The following GAK variants were observed in gnomAD, a reference collection of about 807,000 sequenced individuals.
GAK encodes cyclin-G-associated kinase.
In GAK, 79 loss-of-function variants were observed where a neutral mutation model predicts 143.9. The ratio of observed to expected loss-of-function variants is 0.55; its 90% CI spans 0.46 to 0.66. GAK has a LOEUF of 0.66. Among genes scored for constraint, GAK ranks in the 30% least tolerant of loss-of-function variants. The pLI, the probability that GAK is intolerant of heterozygous loss-of-function variation, is 0.00. For synonymous variants in GAK, 881 were observed against 765.5 expected, an observed-to-expected ratio of 1.15 and a Z score of -2.49; for missense variants, 1,693 against 1,779.7, an observed-to-expected ratio of 0.95 and a Z score of 0.88.
intron 4 of GAK, 121 bp from the exon 5 acceptor site, chr4:904,900 C>A: frequency 2.0e-6 from 2 of 982,592 alleles, no homozygotes; most frequent in Non-Finnish European, 3.0e-6. Flanking sequence ...CTTTCCACAC[C>A]TAAGTAACAA....
rs180812987 is a variant in GAK at position 897,710 on chromosome 4, G to A, written c.651+323C>T. 7.9e-5 allele frequency among the ~76,000 whole-genome samples: 12 copies of A among 152,332 alleles called. No homozygotes were observed. In the East Asian group the frequency reaches 2.3e-3, roughly 29 times the overall value. On this transcript the variant is annotated intron_variant, in intron 6 of 27. Coordinates refer to ENST00000314167, the MANE Select transcript of GAK (RefSeq NM_005255.4). ...GCCTGTAATCCCAGCACTTTGGGAG[G>A]CTGACGCGGGTGGATCACAAATGAC...
chr4:867,077 G>T lies in GAK; in HGVS notation c.2751C>A (p.Pro917=), dbSNP rs1560306387. 3.9e-6 allele frequency: 6 copies of T among 1,541,426 alleles called. No individual in the cohort carries two copies. Among genetic ancestry groups the T allele is most frequent in the Non-Finnish European group, 5.2e-6 (6 of 1,143,566 alleles). Residue 917 remains proline, a synonymous_variant, in exon 21 of 28, where the codon CCC becomes CCA. Transcript: ENST00000314167. ...NTDLLSCLLG[P]PEAASQGPPE... is the part of the protein sequence containing the mutation. ...GGGGCCCCTGGGAGGCGGCCTCAGG[G>T]GGCCCAAGGAGGCAGCTGAGCAGGT...
rs1274962670 is a variant in GAK at position 884,072 on chromosome 4, T to C, written c.1220A>G (p.Asp407Gly). 6.2e-7 allele frequency: 1 copy of C among 1,613,680 alleles called. No individual in the cohort carries two copies. Among genetic ancestry groups the C allele is most frequent in the South Asian group, 1.1e-5 (1 of 91,088 alleles). ...GGATGTGATGTAAGATATGTCCAGG[T>C]CACCCTTTGCATAACTGGAATTAAA... ...IQSVANYAKGDLDISYITSRI... is the reference protein window; with the variant it reads ...IQSVANYAKGGLDISYITSRI... Residue 407 changes from aspartate (D) to glycine (G), a missense_variant, in exon 12 of 28, where the codon GAC becomes GGC. Physicochemically the swap from Asp to Gly is moderately conservative, Grantham distance 94. This residue lies in a region of GAK where 871 missense variants were observed against 991.0 expected (regional missense o/e 0.88). Coordinates refer to ENST00000314167, the MANE Select transcript of GAK (RefSeq NM_005255.4).
chr4:883,223 C>A, intron 13 of GAK, 92 bp downstream of exon 13: 1 of 1,484,958 alleles, frequency 6.7e-7, no homozygotes, highest in Non-Finnish European at 9.1e-7. Context: ...CCCATCACAG[C>A]CCCACCCTGG....
At chr4:930,102 C>T (rs1725421550) in intron 1 of GAK, among the ~76,000 whole-genome samples, 1 of 152,206 alleles carries the variant, frequency 6.6e-6, no homozygotes, top group Non-Finnish European at 1.5e-5. Flanking sequence ...TACCAGCCAT[C>T]ACCATGTTTA....
At chr4:883,166 C>T (rs1163272333) in intron 13 of GAK, 149 bp downstream of exon 13, 2 of 920,326 alleles carry the variant, frequency 2.2e-6, no homozygotes, top group African/African-American at 3.3e-5. Flanking sequence ...CCACCTCGCC[C>T]CCTCCTGTCC....
intron 13 of GAK, 103 bp from the exon 14 acceptor site, chr4:882,922 C>G (rs936804377): frequency 1.4e-6 from 2 of 1,464,220 alleles, no homozygotes; most frequent in Non-Finnish European, 1.8e-6. Flanking sequence ...CCTCCGCCAG[C>G]TGGTGTCATG....
At chr4:883,577 C>T (rs1715618813) in intron 12 of GAK, 114 bp from the exon 13 acceptor site, 2 of 1,205,156 alleles carry the variant, frequency 1.7e-6, no homozygotes, top group Non-Finnish European at 1.2e-6. Flanking sequence ...CCGGCAGCTC[C>T]ACCAGCCACT....
At chr4:859,185 C>T (rs981877276) in intron 24 of GAK, 3 of 985,432 alleles carry the variant, frequency 3.0e-6, no homozygotes, top group Non-Finnish European at 2.4e-6. Context: ...GCGCCCGGGC[C>T]GGGCCTGAGG....
intron 1 of GAK, among the ~76,000 whole-genome samples, chr4:914,463 T>C (rs369653727): frequency 9.4e-4 from 34 of 36,320 alleles, no homozygotes; most frequent in East Asian, 1.8e-3. Flanking sequence ...ACAGCCCCAG[T>C]GTGCACGGCC....
At chr4:865,371 G>GTCA in intron 22 of GAK, 127 bp from the exon 23 acceptor site, 2 of 1,186,812 alleles carry the variant, frequency 1.7e-6, no homozygotes, top group Non-Finnish European at 2.4e-6. Flanking sequence ...AGCTGAGGCT[G>GTCA]GGCTGACGGC....
Position 859,807 on chromosome 4 carries a change from G to A in GAK, c.3167-85C>T, listed in dbSNP as rs182178318. ...GGGACCTCCGATGGCGCCTCCTTAC[G>A]ACATGACAGCCTCACTCCTGCCTGA... On this transcript the variant is annotated intron_variant, in intron 23 of 27. Transcript: ENST00000314167. The A allele has an allele frequency of 1.6e-4, 151 of 941,500 alleles. No individual in the cohort carries two copies. In the East Asian group the frequency reaches 3.4e-3, roughly 21 times the overall value. The allele number at this position is 941,500 out of a possible 1,614,324, so 58.3% of individuals were successfully genotyped here. A position where few individuals can be genotyped will look rare whatever the true frequency, so the allele number is the denominator to read the frequency against.
intron 5 of GAK, among the ~76,000 whole-genome samples, chr4:900,189 C>A (rs888682820): frequency 6.6e-6 from 1 of 152,236 alleles, no homozygotes; most frequent in African/African-American, 2.4e-5. Context: ...GGACGATGCA[C>A]AGGGCAGGCG....
chr4:913,755 A>G lies in GAK; in HGVS notation c.146-87T>C, dbSNP rs1037600661. 28 of 1,176,108 alleles carry G rather than the reference A, an allele frequency of 2.4e-5. 1 individual carries two copies. Among genetic ancestry groups the G allele is most frequent in the Non-Finnish European group, 3.4e-5 (27 of 785,948 alleles). The allele number at this position is 1,176,108 out of a possible 1,614,324, so 72.9% of individuals were successfully genotyped here. ...AAAATACCTTCACTAAGTAAAATAC[A>G]AATTGACTTGTGGCGTGGCCAGCAG... On this transcript the variant is annotated intron_variant, in intron 1 of 27. Coordinates refer to ENST00000314167, the MANE Select transcript of GAK (RefSeq NM_005255.4).
At chr4:894,034 C>A in intron 7 of GAK, 25 bp from the exon 8 acceptor site, 1 of 1,567,770 alleles carries the variant, frequency 6.4e-7, no homozygotes, top group Non-Finnish European at 8.6e-7. Context: ...GGGGTGATGC[C>A]TAGGCCCACG....
In GAK at chr4:896,577, A is replaced by G. The variant is rs762753122; in HGVS notation, c.652-28T>C. The G allele has an allele frequency of 1.9e-5, 30 of 1,538,564 alleles. No individual in the cohort carries two copies. In the Middle Eastern group the frequency reaches 6.7e-4, roughly 34 times the overall value. ...GAAAAAATACAAACATTTCAAAGGA[A>G]AAGTTGCATCCCACAAACAGTATTT... On this transcript the variant is annotated intron_variant, in intron 6 of 27. Coordinates refer to ENST00000314167, the MANE Select transcript of GAK (RefSeq NM_005255.4).
rs1726034723 is a variant in GAK at position 932,304 on chromosome 4, C to T, written c.-117G>A. ...CCCGGAGGTGCACCATCTTCCGCCT[C>T]GACGCCGTGACGTAGGCGCCCGTGA... On this transcript the variant is annotated 5_prime_UTR_variant, in exon 1 of 28. Coordinates refer to ENST00000314167, the MANE Select transcript of GAK (RefSeq NM_005255.4). This position sits in a 1 kb window ranked among gnomAD's most constrained non-coding sequence, Gnocchi z 4.0. 1 of 1,380,546 alleles carries T rather than the reference C, an allele frequency of 7.2e-7. No homozygotes were observed. The highest frequency in any genetic ancestry group is 9.3e-7 in the Non-Finnish European group (1 of 1,074,802). The allele number at this position is 1,380,546 out of a possible 1,614,324, so 85.5% of individuals were successfully genotyped here.
At chr4:909,287 C>T (rs1309230914) in intron 4 of GAK, among the ~76,000 whole-genome samples, 1 of 152,288 alleles carries the variant, frequency 6.6e-6, no homozygotes, top group Non-Finnish European at 1.5e-5. Context: ...CAGCACCTCC[C>T]AGCTCTGGAG....
chr4:902,718 C>T (rs957973536), intron 5 of GAK, among the ~76,000 whole-genome samples: 1 of 152,008 alleles, frequency 6.6e-6, no homozygotes, highest in African/African-American at 2.4e-5. Flanking sequence ...TCACAACGTC[C>T]TAGGTTTTTT....
Sources: allele counts gnomAD v4.1 joint callset (sites outside exome capture counted in the v4.1 genomes callset), GRCh38; gene constraint gnomAD v4.1.1; regional missense constraint gnomAD v4.1.1; non-coding constraint Gnocchi (gnomAD v3.1); transcripts MANE v1.5; gene names NCBI Gene and HGNC (gene_info 2026-07-23, HGNC 2026-07-21).